GRIA4: variants seen among roughly 807,000 people sequenced by gnomAD.
GRIA4 encodes the protein glutamate receptor 4.
Under a neutral mutation model 104.0 loss-of-function variants are expected in GRIA4, and 34 were observed. The ratio of observed to expected loss-of-function variants is 0.33; its 90% CI spans 0.25 to 0.44. The LOEUF (loss-of-function observed/expected upper bound fraction) is 0.44, where lower values mean the gene tolerates loss of function less well. Among genes scored for constraint, GRIA4 ranks in the 20% least tolerant of loss-of-function variants. The pLI, the probability that GRIA4 is intolerant of heterozygous loss-of-function variation, is 1.00. For synonymous variants in GRIA4, 386 were observed against 381.9 expected (o/e 1.01, Z -0.13); for missense variants, 750 against 1,096.5 (o/e 0.68, Z 4.46).
chr11:105,881,239 T>C (rs1401622367), intron 5 of GRIA4, among the ~76,000 whole-genome samples: 1 of 152,120 alleles, frequency 6.6e-6, no homozygotes, highest in Non-Finnish European at 1.5e-5. Context: ...CTCTCAGGAA[T>C]TGTATGTGGG....
intron 3 of GRIA4, among the ~76,000 whole-genome samples, chr11:105,748,168 C>T (rs1939776280): frequency 2.0e-5 from 3 of 152,150 alleles, no homozygotes; most frequent in Non-Finnish European, 2.9e-5. Context: ...ACAGTTTAAC[C>T]GAGGGCATTT....
chr11:105,787,688 C>A (rs1942033868), intron 4 of GRIA4, among the ~76,000 whole-genome samples: 1 of 151,388 alleles, frequency 6.6e-6, no homozygotes, highest in Non-Finnish European at 1.5e-5. Flanking sequence ...TGTTGCCAGG[C>A]TGGTACAGAA....
At chr11:105,973,097 C>T (rs1012206687) in intron 15 of GRIA4, among the ~76,000 whole-genome samples, 8 of 152,100 alleles carry the variant, frequency 5.3e-5, no homozygotes, top group African/African-American at 1.7e-4. Flanking sequence ...GATGTAAAGT[C>T]AGACAAGTGC....
chr11:105,701,753 A>G (rs1034964002), intron 3 of GRIA4, among the ~76,000 whole-genome samples: 1 of 152,178 alleles, frequency 6.6e-6, no homozygotes, highest in Non-Finnish European at 1.5e-5. Flanking sequence ...ACAGCACCAG[A>G]AAATGCAGAA....
At chr11:105,615,472 G>A (rs952415705) in intron 3 of GRIA4, among the ~76,000 whole-genome samples, 3 of 151,660 alleles carry the variant, frequency 2.0e-5, no homozygotes, top group Admixed American at 2.0e-4. Context: ...AAAATTATAT[G>A]AAATACAGAT....
intron 3 of GRIA4, 132 bp from the exon 4 acceptor site, chr11:105,752,849 T>C: frequency 1.2e-6 from 1 of 808,818 alleles, no homozygotes; most frequent in South Asian, 1.7e-5. Flanking sequence ...TCACTTATAC[T>C]CTTTATCTTA....
chr11:105,719,043 T>C (rs1938965), intron 3 of GRIA4, among the ~76,000 whole-genome samples: 72,396 of 151,826 alleles, frequency 0.48, 17,875 homozygotes, highest in Admixed American at 0.58. Context: ...CTCTCTCTTG[T>C]TTTTTTTAAA....
intron 5 of GRIA4, among the ~76,000 whole-genome samples, chr11:105,869,819 C>T (rs979215698): frequency 6.6e-6 from 1 of 152,066 alleles, no homozygotes; most frequent in Non-Finnish European, 1.5e-5. Flanking sequence ...AACCTTCCCT[C>T]AAGATTAGCC....
chr11:105,630,068 C>T (rs916888548), intron 3 of GRIA4, among the ~76,000 whole-genome samples: 7 of 152,032 alleles, frequency 4.6e-5, no homozygotes, highest in African/African-American at 1.7e-4. Context: ...TGGTCACTTT[C>T]TTTAGGTAGT....
chr11:105,634,130 C>A (rs572797071), intron 3 of GRIA4, among the ~76,000 whole-genome samples: 1 of 151,962 alleles, frequency 6.6e-6, no homozygotes, highest in South Asian at 2.1e-4. Flanking sequence ...GGGCAGATCA[C>A]GAGGTCAGGA....
chr11:105,665,219 A>G (rs1348727072), intron 3 of GRIA4, among the ~76,000 whole-genome samples: 2 of 152,012 alleles, frequency 1.3e-5, no homozygotes, highest in African/African-American at 4.8e-5. Context: ...AAATTATTAT[A>G]TAAAGCAAGT....
At chr11:105,775,796 A>G (rs1941421789) in intron 4 of GRIA4, among the ~76,000 whole-genome samples, 1 of 152,080 alleles carries the variant, frequency 6.6e-6, no homozygotes, top group South Asian at 2.1e-4. Flanking sequence ...TAATAATGAC[A>G]CCCAACTTTA....
chr11:105,779,259 A>G (rs1292790075), intron 4 of GRIA4, among the ~76,000 whole-genome samples: 2 of 152,058 alleles, frequency 1.3e-5, no homozygotes, highest in African/African-American at 4.8e-5. Context: ...TTCAAGGAGA[A>G]CTACAAACCA....
chr11:105,698,319 C>A (rs1328476588), intron 3 of GRIA4, among the ~76,000 whole-genome samples: 1 of 152,030 alleles, frequency 6.6e-6, no homozygotes, highest in Non-Finnish European at 1.5e-5. Context: ...CATAATACTG[C>A]CTAAAGTAGG....
At chr11:105,618,789 A>G (rs1950664988) in intron 3 of GRIA4, among the ~76,000 whole-genome samples, 1 of 151,922 alleles carries the variant, frequency 6.6e-6, no homozygotes, top group Non-Finnish European at 1.5e-5. Flanking sequence ...GAGCAGAAGC[A>G]GTGCCAAGAG....
rs137863940 is a variant in GRIA4 at position 105,642,565 on chromosome 11, G to A, written c.247+30131G>A. Among the ~76,000 whole-genome samples the A allele has an allele frequency of 5.2e-3, 376 of 72,068 alleles. 6 individuals carry two copies. Among genetic ancestry groups the A allele is most frequent in the African/African-American group, 0.018 (343 of 18,764 alleles). 47.3% of individuals were successfully genotyped at this position (72,068 alleles called of 152,430 possible). A position where few individuals can be genotyped will look rare whatever the true frequency, so the allele number is the denominator to read the frequency against. On this transcript the variant is annotated intron_variant, in intron 3 of 16. Coordinates refer to ENST00000282499, the MANE Select transcript of GRIA4 (RefSeq NM_000829.4). ...AAAAAAAAAAAAAAAAAAAAAAAAG[G>A]CTGTCGCCAGCACCTCTTCTCACAC...
At chr11:105,929,676 T>C (rs1947817677) in intron 13 of GRIA4, among the ~76,000 whole-genome samples, 1 of 152,126 alleles carries the variant, frequency 6.6e-6, no homozygotes, top group Non-Finnish European at 1.5e-5. Context: ...TACCAAATAA[T>C]GCATTGATGA....
chr11:105,798,576 A>G (rs1284785060), intron 4 of GRIA4, among the ~76,000 whole-genome samples: 1 of 152,198 alleles, frequency 6.6e-6, no homozygotes, highest in Non-Finnish European at 1.5e-5. Flanking sequence ...ATCTGTCTGT[A>G]TACTAATTAA....
intron 14 of GRIA4, among the ~76,000 whole-genome samples, chr11:105,947,128 A>C (rs932407071): frequency 1.3e-5 from 2 of 152,212 alleles, no homozygotes; most frequent in African/African-American, 4.8e-5. Context: ...CATAATATCT[A>C]TTTATGTAGA....
Sources: gnomAD v4.1 joint callset for allele counts (sites outside exome capture counted in the v4.1 genomes callset) on GRCh38, gnomAD v4.1.1 for gene constraint, MANE v1.5 for transcripts, NCBI Gene and HGNC (gene_info 2026-07-23, HGNC 2026-07-21) for gene names.